Variants in PDE8B observed in about 807,000 individuals in gnomAD.
The protein encoded by PDE8B is high affinity cAMP-specific and IBMX-insensitive 3',5'-cyclic phosphodiesterase 8B.
Under a neutral mutation model 101.3 loss-of-function variants are expected in PDE8B, and 26 were observed. That is an observed-to-expected ratio of 0.26 (90% CI 0.19 to 0.36). The LOEUF (loss-of-function observed/expected upper bound fraction) is 0.36. Ranked by LOEUF, PDE8B falls within the 10% of genes least tolerant of loss-of-function variation. The pLI is 1.00. For missense variants in PDE8B, 810 were observed against 1,163.1 expected (o/e 0.70, Z 4.42); for synonymous variants, 424 against 429.3 (o/e 0.99, Z 0.15).
At chr5:77,415,384 G>A (rs1043275240) in intron 17 of PDE8B, among the ~76,000 whole-genome samples, 9 of 110,954 alleles carry the variant, frequency 8.1e-5, no homozygotes, top group Non-Finnish European at 1.5e-4. Context: ...TTGAGATGAA[G>A]TCTCACTCTG....
intron 19 of PDE8B, among the ~76,000 whole-genome samples, chr5:77,420,283 T>G (rs551481895): frequency 1.3e-5 from 2 of 152,196 alleles, no homozygotes; most frequent in African/African-American, 4.8e-5. Flanking sequence ...TGTTCCTGAT[T>G]CACATTAAAA....
At chr5:77,251,516 A>G (rs1758051336) in intron 1 of PDE8B, among the ~76,000 whole-genome samples, 1 of 152,150 alleles carries the variant, frequency 6.6e-6, no homozygotes, top group African/African-American at 2.4e-5. Context: ...TGCCTGCCCA[A>G]TTGCTTGGGA....
At chr5:77,098,261 C>G in the PDE8B span, among the ~76,000 whole-genome samples, 19,664 of 150,022 alleles carry the variant, frequency 0.13, 1,589 homozygotes, top group South Asian at 0.24. Context: ...CACCTTTAGG[C>G]TTTTTCAGAC....
At chr5:77,278,538 T>C (rs1295563160) in intron 1 of PDE8B, among the ~76,000 whole-genome samples, 1 of 152,160 alleles carries the variant, frequency 6.6e-6, no homozygotes, top group African/African-American at 2.4e-5. Context: ...GGCGCGATCT[T>C]GTCTCATTGC....
At chr5:77,213,751 T>C (rs1216670133) in intron 1 of PDE8B, among the ~76,000 whole-genome samples, 1 of 152,038 alleles carries the variant, frequency 6.6e-6, no homozygotes, top group African/African-American at 2.4e-5. Flanking sequence ...ATGAAGTGTA[T>C]CCTCATTATC....
chr5:77,299,177 G>A (rs564102131), intron 1 of PDE8B, among the ~76,000 whole-genome samples: 1 of 152,312 alleles, frequency 6.6e-6, no homozygotes, highest in East Asian at 1.9e-4. Context: ...CCAGGAGAGT[G>A]GAGCCCATGA....
intron 10 of PDE8B, among the ~76,000 whole-genome samples, chr5:77,394,723 CTATT>C (rs1404752873): frequency 2.6e-5 from 4 of 152,258 alleles, no homozygotes; most frequent in East Asian, 3.9e-4. Context: ...CACATAAAGA[CTATT>C]TAAACATTTC....
At chr5:77,121,475 C>T in the PDE8B span, among the ~76,000 whole-genome samples, 4 of 150,940 alleles carry the variant, frequency 2.7e-5, no homozygotes, top group Non-Finnish European at 5.9e-5. Context: ...TCACTAGGTA[C>T]ATTTCACACT....
In PDE8B at chr5:77,408,972, T is replaced by C. The variant is rs1394408064; in HGVS notation, c.1445T>C (p.Leu482Ser). ...AEALDRVLEI[L>S]RTTELYSPQL... ...GCCTTGGACAGAGTTCTAGAGATTTTACGGACCACAGAACTGTACTCCCCT... is the reference window on the plus strand; with the variant it reads ...GCCTTGGACAGAGTTCTAGAGATTTCACGGACCACAGAACTGTACTCCCCT... The change falls in exon 14 of 22, where the codon TTA becomes TCA. Residue 482 changes from leucine (L) to serine (S), a missense_variant. Physicochemically the swap from Leu to Ser is moderately radical, Grantham distance 145 (BLOSUM62 -2). Coordinates refer to ENST00000264917, the MANE Select transcript of PDE8B (RefSeq NM_003719.5). The C allele has an allele frequency of 6.2e-7, 1 of 1,613,306 alleles. No individual in the cohort carries two copies. Among genetic ancestry groups the C allele is most frequent in the Non-Finnish European group, 8.5e-7 (1 of 1,179,232 alleles).
At chr5:77,230,849 G>C (rs1753421713) in intron 1 of PDE8B, among the ~76,000 whole-genome samples, 1 of 152,180 alleles carries the variant, frequency 6.6e-6, no homozygotes, top group South Asian at 2.1e-4. Flanking sequence ...GTGGGACCTG[G>C]AGGAAAAGCA....
intron 1 of PDE8B, among the ~76,000 whole-genome samples, chr5:77,240,069 C>A (rs979781909): frequency 6.6e-6 from 1 of 150,756 alleles, no homozygotes; most frequent in Admixed American, 6.6e-5. Context: ...CAGCACAAGA[C>A]AAAAGTTAAA....
rs374678073 is a variant in PDE8B, at chr5:77,277,418, C to T, written c.340-34576C>T. 1.7e-4 allele frequency among the ~76,000 whole-genome samples: 26 copies of T among 152,262 alleles called. No individual in the cohort carries two copies. The East Asian group carries it at 1.9e-3, about 11-fold the overall frequency. On this transcript the variant is annotated intron_variant, in intron 1 of 21. Coordinates refer to ENST00000264917, the MANE Select transcript of PDE8B (RefSeq NM_003719.5). Reference sequence around the variant, plus strand: ...GGTTCTGTGTTTGTGCTTATTATTTCGGTGTTTCCCTTTTAACTGTTTTCA... The same window carrying T: ...GGTTCTGTGTTTGTGCTTATTATTTTGGTGTTTCCCTTTTAACTGTTTTCA...
intron 1 of PDE8B, among the ~76,000 whole-genome samples, chr5:77,222,243 C>T (rs2149437246): frequency 6.6e-6 from 1 of 152,274 alleles, no homozygotes; most frequent in East Asian, 1.9e-4. Context: ...GGTACAGTCC[C>T]TGTAAACCCG....
chr5:77,140,050 G>A, the PDE8B span: 1 of 151,972 alleles, frequency 6.6e-6, no homozygotes, highest in African/African-American at 2.4e-5. Flanking sequence ...TATGCCTTGG[G>A]TAATGTGATT....
chr5:77,402,339 A>G (rs1189806615), intron 11 of PDE8B, among the ~76,000 whole-genome samples: 2 of 152,122 alleles, frequency 1.3e-5, no homozygotes, highest in Non-Finnish European at 2.9e-5. Context: ...TTAGGAAAAG[A>G]GATAGTATAA....
At chr5:77,187,432 A>G in the PDE8B span, among the ~76,000 whole-genome samples, 19 of 152,214 alleles carry the variant, frequency 1.2e-4, no homozygotes, top group Non-Finnish European at 2.1e-4. Context: ...TTACATGTCA[A>G]GTAACTAAAC....
At chr5:77,399,025 C>T (rs942172465) in intron 10 of PDE8B, among the ~76,000 whole-genome samples, 4 of 152,234 alleles carry the variant, frequency 2.6e-5, no homozygotes, top group Admixed American at 6.5e-5. Flanking sequence ...ACAGAAGCCA[C>T]GTCTGTGCCT....
intron 4 of PDE8B, among the ~76,000 whole-genome samples, chr5:77,330,508 C>G (rs1053505629): frequency 8.5e-5 from 13 of 152,122 alleles, no homozygotes; most frequent in Admixed American, 7.2e-4. Flanking sequence ...TGTGGCCTTC[C>G]TAACAGTCAG....
intron 4 of PDE8B, among the ~76,000 whole-genome samples, chr5:77,329,438 C>A (rs1299112506): frequency 6.6e-6 from 1 of 151,860 alleles, no homozygotes; most frequent in Non-Finnish European, 1.5e-5. Flanking sequence ...TAAGAAGAAA[C>A]ACATTTTTTT....
Sources: gnomAD v4.1 joint callset for allele counts (sites outside exome capture counted in the v4.1 genomes callset) on GRCh38, gnomAD v4.1.1 for gene constraint, MANE v1.5 for transcripts, NCBI Gene and HGNC (gene_info 2026-07-23, HGNC 2026-07-21) for gene names.